Variants in NXNL2 observed in about 807,000 individuals in gnomAD.
NXNL2 encodes nucleoredoxin like 2.
In NXNL2, 7 loss-of-function variants were observed where a neutral mutation model predicts 11.1. The ratio of observed to expected loss-of-function variants is 0.63; its 90% confidence interval spans 0.36 to 1.18. The LOEUF is 1.18. NXNL2 is among the 50% of genes most tolerant of loss of function. The pLI, the probability that NXNL2 is intolerant of heterozygous loss-of-function variation, is 0.02. For missense variants in NXNL2, 233 were observed against 217.7 expected (o/e 1.07, Z -0.44); for synonymous variants, 109 against 101.8 (o/e 1.07, Z -0.42).
At chr9:88,543,370 G>A (rs1236876782) in intron 1 of NXNL2, among the ~76,000 whole-genome samples, 1 of 151,650 alleles carries the variant, frequency 6.6e-6, no homozygotes, top group Non-Finnish European at 1.5e-5. Context: ...GGGCTCAAGC[G>A]ATCCTCCCAC....
At chr9:88,572,170 C>T (rs1490142586) in intron 2 of NXNL2, among the ~76,000 whole-genome samples, 2 of 152,086 alleles carry the variant, frequency 1.3e-5, no homozygotes, top group Non-Finnish European at 2.9e-5. Flanking sequence ...GCACTAGAAC[C>T]TTTAACACTT....
intron 1 of NXNL2, among the ~76,000 whole-genome samples, chr9:88,569,267 C>G (rs1830224938): frequency 2.0e-5 from 3 of 152,206 alleles, no homozygotes; most frequent in African/African-American, 7.2e-5. Context: ...CCATACAAGT[C>G]TGCATGGCTT....
chr9:88,553,852 TG>T (rs1829976535), intron 1 of NXNL2, among the ~76,000 whole-genome samples: 1 of 152,258 alleles, frequency 6.6e-6, no homozygotes, highest in Admixed American at 6.5e-5. Flanking sequence ...ATGTTCTTTT[TG>T]CTTTTCTATT....
At chr9:88,580,116 G>T (rs887910326), downstream of NXNL2, among the ~76,000 whole-genome samples, 1 of 150,870 alleles carries the variant, frequency 6.6e-6, no homozygotes, top group Non-Finnish European at 1.5e-5. Context: ...GCTAGCCTGG[G>T]TGACAGAGCA....
intron 1 of NXNL2, among the ~76,000 whole-genome samples, chr9:88,536,058 G>T (rs939681905): frequency 6.6e-6 from 1 of 152,180 alleles, no homozygotes; most frequent in South Asian, 2.1e-4. Context: ...CAGTGGTGGT[G>T]ATGCTGTGAG....
intron 1 of NXNL2, among the ~76,000 whole-genome samples, chr9:88,583,769 C>G (rs1830433470): frequency 6.6e-6 from 1 of 152,072 alleles, no homozygotes; most frequent in African/African-American, 2.4e-5. Flanking sequence ...CACAGGGTAG[C>G]CCTAATCTGA....
chr9:88,546,699 G>A (rs1829850758), downstream of NXNL2, among the ~76,000 whole-genome samples: 1 of 152,126 alleles, frequency 6.6e-6, no homozygotes, highest in Non-Finnish European at 1.5e-5. Flanking sequence ...ACAGTCATGA[G>A]CCACCACGCT....
intron 2 of NXNL2, among the ~76,000 whole-genome samples, chr9:88,573,785 T>G (rs1830309248): frequency 6.6e-6 from 1 of 152,246 alleles, no homozygotes; most frequent in Admixed American, 6.5e-5. Flanking sequence ...TGTTATGTTA[T>G]GAGCATTTTG....
At chr9:88,571,174 T>G (rs1830259558) in exon 2 of NXNL2, 1 of 331,730 alleles carries the variant, frequency 3.0e-6, no homozygotes. Context: ...CAAGTGATTC[T>G]CTAGCCTTAG....
chr9:88,540,540 C>A (rs1274863736), intron 1 of NXNL2, among the ~76,000 whole-genome samples: 1 of 152,186 alleles, frequency 6.6e-6, no homozygotes, highest in African/African-American at 2.4e-5. Context: ...GACATGAATT[C>A]ACATCTGCTC....
intron 1 of NXNL2, among the ~76,000 whole-genome samples, chr9:88,560,444 T>A (rs1830072364): frequency 6.6e-6 from 1 of 151,970 alleles, no homozygotes; most frequent in Non-Finnish European, 1.5e-5. Context: ...GGGGCCTGGG[T>A]GTCCACCAAA....
At chr9:88,549,695 C>T (rs986276624), downstream of NXNL2, among the ~76,000 whole-genome samples, 3 of 152,010 alleles carry the variant, frequency 2.0e-5, no homozygotes, top group African/African-American at 7.3e-5. Flanking sequence ...GCAGGCTTTA[C>T]AGGAAGCATG....
chr9:88,550,111 C>T (rs1333805115), intron 1 of NXNL2, among the ~76,000 whole-genome samples: 1 of 152,112 alleles, frequency 6.6e-6, no homozygotes, highest in Non-Finnish European at 1.5e-5. Context: ...AGCCACAGTG[C>T]CCGGCCTGCC....
chr9:88,537,433 C>T (rs995000559), intron 1 of NXNL2, among the ~76,000 whole-genome samples: 2 of 152,180 alleles, frequency 1.3e-5, no homozygotes, highest in South Asian at 2.1e-4. Flanking sequence ...CAGTGAGCTG[C>T]GTGACGTGGG....
rs1829580505 is a variant in NXNL2 at position 88,535,348 on chromosome 9, G to A, written c.-87G>A. On this transcript the variant is annotated 5_prime_UTR_variant, in exon 1 of 2. Coordinates refer to ENST00000375854, the MANE Select transcript of NXNL2 (RefSeq NM_001161625.2). The stretch of plus-strand genomic sequence containing the variant: ...CGCCCGGTGGTGCGGACAGAGGCGG[G>A]GCACCGCGGCGCTCGCCGCCGCCTC... 4 of 1,336,374 alleles carry A rather than the reference G, an allele frequency of 3.0e-6. No homozygotes were observed. The highest frequency in any genetic ancestry group is 4.0e-6 in the Non-Finnish European group (4 of 1,005,174). The allele number at this position is 1,336,374 out of a possible 1,614,324, so 82.8% of individuals were successfully genotyped here. A position where few individuals can be genotyped will look rare whatever the true frequency, so the allele number is the denominator to read the frequency against.
At chr9:88,566,901 A>G (rs959308510) in intron 1 of NXNL2, among the ~76,000 whole-genome samples, 13 of 151,992 alleles carry the variant, frequency 8.6e-5, no homozygotes, top group African/African-American at 2.4e-4. Flanking sequence ...CCTATTATCT[A>G]TCTATCATCT....
At chr9:88,565,089 T>C (rs1028914861) in intron 1 of NXNL2, among the ~76,000 whole-genome samples, 1 of 152,198 alleles carries the variant, frequency 6.6e-6, no homozygotes, top group Non-Finnish European at 1.5e-5. Context: ...TTTAGACACC[T>C]CCTGTAAGTG....
rs556234756 is a variant in NXNL2, at chr9:88,570,364, T to A, written c.303-723T>A. Among the ~76,000 whole-genome samples the A allele has an allele frequency of 1.2e-4, 18 of 152,306 alleles. No individual in the cohort carries two copies. The South Asian group carries it at 2.5e-3, about 21-fold the overall frequency. On this transcript the variant is annotated intron_variant, in intron 1 of 2. Transcript: ENST00000375855. ...AATTCCAGACCTCAAGCGATCCCCA[T>A]GCCTTGGCCTCCCAAAGTGCTGGGA...
At chr9:88,568,933 A>AT (rs79653837) in intron 1 of NXNL2, among the ~76,000 whole-genome samples, 28 of 149,252 alleles carry the variant, frequency 1.9e-4, no homozygotes, top group East Asian at 5.9e-4. Flanking sequence ...CTCTTGATGA[A>AT]TTTTTTTTTT....
Sources: gnomAD v4.1 joint callset for allele counts (sites outside exome capture counted in the v4.1 genomes callset) on GRCh38, gnomAD v4.1.1 for gene constraint, MANE v1.5 for transcripts, NCBI Gene and HGNC (gene_info 2026-07-23, HGNC 2026-07-21) for gene names.